ATXN7: variants seen among roughly 807,000 people sequenced by gnomAD.
ATXN7 encodes the protein ataxin 7, also known as ataxin-7.
ATXN7 carries 12 observed loss-of-function variants against 70.5 expected under a neutral mutation model. The observed-to-expected ratio is 0.17, with a 90% confidence interval of 0.11 to 0.28. The LOEUF (loss-of-function observed/expected upper bound fraction) is 0.28, where lower values mean the gene tolerates loss of function less well. Among genes scored for constraint, ATXN7 ranks in the 10% least tolerant of loss-of-function variants. The pLI, the probability that ATXN7 is intolerant of heterozygous loss-of-function variation, is 1.00. For missense variants in ATXN7, 1,256 were observed against 1,131.7 expected (o/e 1.11, Z -1.58); for synonymous variants, 498 against 448.7 (o/e 1.11, Z -1.39).
At chr3:63,880,799 A>T (rs932499548) in intron 1 of ATXN7, among the ~76,000 whole-genome samples, 4 of 152,172 alleles carry the variant, frequency 2.6e-5, no homozygotes, top group African/African-American at 9.6e-5. Context: ...TTCTCATTCA[A>T]AGCACTCTTT....
intron 4 of ATXN7, among the ~76,000 whole-genome samples, chr3:63,927,914 ATGT>A (rs910011489): frequency 1.6e-4 from 24 of 152,084 alleles, no homozygotes; most frequent in Non-Finnish European, 2.8e-4. Flanking sequence ...TCTTCAAAAG[ATGT>A]TGTTGTTTGG....
In ATXN7 at chr3:63,996,911, C is replaced by T. The variant is rs140592807; in HGVS notation, c.2661+428C>T. 3.3e-3 allele frequency among the ~76,000 whole-genome samples: 495 copies of T among 152,230 alleles called. 2 individuals carry two copies. The highest frequency in any genetic ancestry group is 5.4e-3 in the Non-Finnish European group (367 of 68,008). ...TGGATAGTGGTTCTTTAGTATGTTC[C>T]GCTGAGGAAAGCTGCGCTAAAATCA... On this transcript the variant is annotated intron_variant, in intron 12 of 12. Coordinates refer to ENST00000674280, the MANE Select transcript of ATXN7 (RefSeq NM_001377405.1).
At chr3:63,988,888 G>A (rs2075620489) in intron 9 of ATXN7, among the ~76,000 whole-genome samples, 1 of 152,190 alleles carries the variant, frequency 6.6e-6, no homozygotes, top group Non-Finnish European at 1.5e-5. Context: ...GAATATGTGT[G>A]TGTTTGTGCT....
At chr3:63,982,540 T>G in intron 7 of ATXN7, 95 bp downstream of exon 7, 4 of 1,127,706 alleles carry the variant, frequency 3.5e-6, no homozygotes, top group Non-Finnish European at 5.0e-6. Context: ...TTCCTATTTT[T>G]AAAACTGGTC....
Position 63,998,015 on chromosome 3 carries a change from A to G in ATXN7, c.2662-1435A>G, listed in dbSNP as rs983625532. 6 of 985,260 alleles carry G rather than the reference A, an allele frequency of 6.1e-6. No individual in the cohort carries two copies. In the African/African-American group the frequency reaches 7.0e-5, roughly 11 times the overall value. 61.0% of individuals were successfully genotyped at this position (985,260 alleles called of 1,614,324 possible). ...TACAGTTTATAAGCATAACAGTCCA[A>G]TATAAACACAGAAGACATGGTGTGC... On this transcript the variant is annotated intron_variant, in intron 12 of 12. Transcript: ENST00000674280.
rs570304170 is a variant in ATXN7, at chr3:63,967,835, G to A, written c.500-12080G>A. ...TAAGCCCAAACATGGAGCATATTTG[G>A]AGTTGGTGGGCAGACCCAAATCATG... is the stretch of plus-strand genomic sequence containing the variant. On this transcript the variant is annotated intron_variant, in intron 5 of 12. Coordinates refer to ENST00000674280, the MANE Select transcript of ATXN7 (RefSeq NM_001377405.1). 6 of 1,524,586 alleles carry A rather than the reference G, an allele frequency of 3.9e-6. No individual in the cohort carries two copies. In the Admixed American group the frequency reaches 7.9e-5, roughly 20 times the overall value. The allele number at this position is 1,524,586 out of a possible 1,614,324, so 94.4% of individuals were successfully genotyped here. A position where few individuals can be genotyped will look rare whatever the true frequency, so the allele number is the denominator to read the frequency against.
rs1320174338 is a variant in ATXN7 at position 63,996,153 on chromosome 3, G to A, written c.2331G>A (p.Arg777=). ...ACGTCCGGCATGACCAGTCAGGGAG[G>A]GGCCCCCCCACCGGGAGCCCTGCTG... is the stretch of plus-strand genomic sequence containing the variant. ...AVNVRHDQSG[R]GPPTGSPAES... The change falls in exon 12 of 13, where the codon AGG becomes AGA. Residue 777 remains arginine, a synonymous_variant. Coordinates refer to ENST00000674280, the MANE Select transcript of ATXN7 (RefSeq NM_001377405.1). 1 of 1,614,114 alleles carries A rather than the reference G, an allele frequency of 6.2e-7. No individual in the cohort carries two copies. Among genetic ancestry groups the A allele is most frequent in the South Asian group, 1.1e-5 (1 of 91,066 alleles).
chr3:63,865,894 C>CAAAAAAAAAAA (rs34205947), intron 1 of ATXN7, among the ~76,000 whole-genome samples: 10 of 16,560 alleles, frequency 6.0e-4, no homozygotes, highest in African/African-American at 1.2e-3. Flanking sequence ...GACTCCATCT[C>CAAAAAAAAAAA]AAAAAAAAAA....
At chr3:63,868,559 A>G (rs1158795036) in intron 1 of ATXN7, among the ~76,000 whole-genome samples, 1 of 152,204 alleles carries the variant, frequency 6.6e-6, no homozygotes, top group African/African-American at 2.4e-5. Flanking sequence ...GTTTTTTAAG[A>G]AAAAGATTTT....
intron 5 of ATXN7, among the ~76,000 whole-genome samples, chr3:63,969,842 C>T (rs147209431): frequency 6.6e-6 from 1 of 152,176 alleles, no homozygotes; most frequent in African/African-American, 2.4e-5. Context: ...TCAAAAGTAG[C>T]TAGAGACTGG....
intron 8 of ATXN7, among the ~76,000 whole-genome samples, chr3:63,984,239 G>A (rs530190036): frequency 1.2e-3 from 186 of 150,442 alleles, no homozygotes; most frequent in African/African-American, 4.2e-3. Context: ...TCCATCTTCC[G>A]AGAATAAAAT....
intron 5 of ATXN7, among the ~76,000 whole-genome samples, chr3:63,965,424 C>T (rs932810214): frequency 6.6e-6 from 1 of 152,108 alleles, no homozygotes; most frequent in Admixed American, 6.6e-5. Context: ...GCAAGTTTGC[C>T]TGTTTGCTGC....
intron 4 of ATXN7, among the ~76,000 whole-genome samples, chr3:63,916,129 A>G (rs1704257495): frequency 6.6e-6 from 1 of 152,202 alleles, no homozygotes; most frequent in Non-Finnish European, 1.5e-5. Flanking sequence ...CTTTCTGAAT[A>G]TACTTTCCCT....
intron 8 of ATXN7, among the ~76,000 whole-genome samples, chr3:63,984,358 C>T (rs2075539618): frequency 6.6e-6 from 1 of 151,340 alleles, no homozygotes; most frequent in Admixed American, 6.6e-5. Flanking sequence ...AAACAAACTG[C>T]TTTTTTTTTG....
At chr3:63,992,094 G>T (rs1189860606) in intron 11 of ATXN7, among the ~76,000 whole-genome samples, 2 of 152,116 alleles carry the variant, frequency 1.3e-5, no homozygotes, top group Admixed American at 1.3e-4. Context: ...ATTTACTAGT[G>T]CCTCCTTAAA....
At chr3:63,912,455 TG>T (rs1005913425) in intron 2 of ATXN7, 132 bp from the exon 3 acceptor site, 2 of 415,150 alleles carry the variant, frequency 4.8e-6, no homozygotes, top group African/African-American at 2.2e-5. Context: ...CTCGGGGGGC[TG>T]GGCGGCCATG....
intron 5 of ATXN7, chr3:63,967,972 C>T: frequency 6.5e-7 from 1 of 1,535,176 alleles, no homozygotes; most frequent in Middle Eastern, 1.7e-4. Context: ...GAAAGCTCCA[C>T]TGGGTAAGTT....
chr3:63,944,636 C>T (rs148604985), intron 4 of ATXN7, among the ~76,000 whole-genome samples: 36 of 152,270 alleles, frequency 2.4e-4, no homozygotes, highest in Middle Eastern at 3.4e-3. Context: ...TAACTCACAC[C>T]TCAGAAAGCA....
chr3:63,973,480 A>T (rs563269278), intron 5 of ATXN7, among the ~76,000 whole-genome samples: 2 of 152,184 alleles, frequency 1.3e-5, no homozygotes, highest in Admixed American at 6.5e-5. Context: ...GACAGCCCCA[A>T]TTGGCACATT....
Sources: gnomAD v4.1 joint callset for allele counts (sites outside exome capture counted in the v4.1 genomes callset) on GRCh38, gnomAD v4.1.1 for gene constraint, MANE v1.5 for transcripts, NCBI Gene and HGNC (gene_info 2026-07-23, HGNC 2026-07-21) for gene names.